Variants in MYO1F observed in about 807,000 individuals in gnomAD.
MYO1F encodes the protein unconventional myosin-If.
A neutral mutation model predicts 146.6 loss-of-function variants in MYO1F; 60 were observed. That is an observed-to-expected ratio of 0.41 (90% CI 0.33 to 0.51). The LOEUF (loss-of-function observed/expected upper bound fraction) is 0.51, where lower values mean the gene tolerates loss of function less well. Ranked by LOEUF, MYO1F falls within the 20% of genes least tolerant of loss-of-function variation. The pLI is 0.25. For synonymous variants in MYO1F, 602 were observed against 602.1 expected, an observed-to-expected ratio of 1.00 and a Z score of 0.00; for missense variants, 1,274 against 1,534.3, an observed-to-expected ratio of 0.83 and a Z score of 2.83.
intron 25 of MYO1F, among the ~76,000 whole-genome samples, chr19:8,523,452 C>T (rs981579293): frequency 2.0e-5 from 3 of 152,114 alleles, no homozygotes; most frequent in Non-Finnish European, 4.4e-5. Flanking sequence ...AAGCAATCCT[C>T]CCTCCTTAGC....
chr19:8,560,883 C>A (rs938152878), intron 1 of MYO1F, among the ~76,000 whole-genome samples: 1 of 151,954 alleles, frequency 6.6e-6, no homozygotes, highest in Non-Finnish European at 1.5e-5. Context: ...GGACTACAGG[C>A]GCCCGCCACC....
At chr19:8,575,828 G>A (rs141648818) in intron 1 of MYO1F, among the ~76,000 whole-genome samples, 212 of 152,242 alleles carry the variant, frequency 1.4e-3, no homozygotes, top group African/African-American at 4.6e-3. Flanking sequence ...GGGAGGGGTT[G>A]CCTTTCTTTC....
intron 1 of MYO1F, among the ~76,000 whole-genome samples, chr19:8,558,132 T>C (rs74459657): frequency 0.015 from 2,332 of 152,144 alleles, 20 homozygotes; most frequent in Middle Eastern, 0.024. Context: ...GCCATTTTTT[T>C]CATTTCATTT....
Position 8,526,945 on chromosome 19 carries a change from G to A in MYO1F, c.2475-10C>T. The A allele has an allele frequency of 1.9e-6, 3 of 1,613,604 alleles. No individual in the cohort carries two copies. The highest frequency in any genetic ancestry group is 2.5e-6 in the Non-Finnish European group (3 of 1,180,002). On this transcript the variant is annotated splice_polypyrimidine_tract_variant and intron_variant, in intron 22 of 27. Coordinates refer to ENST00000644032, the MANE Select transcript of MYO1F (RefSeq NM_012335.4). Reference sequence around the variant, plus strand: ...GTCGTCCTGTCGCGTGCTGGGGAGGGGCGGGTGAGAGCGTCAGGTGGGACA... The same window carrying A: ...GTCGTCCTGTCGCGTGCTGGGGAGGAGCGGGTGAGAGCGTCAGGTGGGACA...
At position 8,522,546 on chromosome 19, in the gene MYO1F, G is replaced by A. The variant is rs1454881461; in HGVS notation, c.3051C>T (p.Gly1017=). Residue 1017 remains glycine, a splice_region_variant and synonymous_variant, in exon 27 of 28, where the codon GGC becomes GGT. Transcript: ENST00000644032. ...FLNVPDQGMA[G]MQRKRSVGQR... is the part of the protein sequence containing the mutation. ...GCCCCACGCTGCGCTTCCTCTGCAT[G>A]CTGTGGGCACAGGGGGTTTGAGTCA... The A allele has an allele frequency of 6.2e-7, 1 of 1,611,690 alleles. No individual in the cohort carries two copies. Among genetic ancestry groups the A allele is most frequent in the Admixed American group, 1.7e-5 (1 of 59,778 alleles).
Position 8,521,532 on chromosome 19 carries a change from A to G in MYO1F, c.3293T>C (p.Ile1098Thr). ...GLFPGNYVEK[I>T] ...GGCAGTATCCCAGGGCCCAGCTCAG[A>G]TCTTCTCCACGTAGTTTCCTGGGAA... is the stretch of plus-strand genomic sequence containing the variant. The change falls in exon 28 of 28, where the codon ATC becomes ACC. Residue 1098 changes from isoleucine to threonine, a missense_variant. Ile to Thr is a moderately conservative substitution (Grantham distance 89). This residue lies in a region of MYO1F where 374 missense variants were observed against 379.2 expected (regional missense o/e 0.99). Coordinates refer to ENST00000644032, the MANE Select transcript of MYO1F (RefSeq NM_012335.4). 1.2e-6 allele frequency: 2 copies of G among 1,614,090 alleles called. No individual in the cohort carries two copies. The highest frequency in any genetic ancestry group is 1.7e-6 in the Non-Finnish European group (2 of 1,179,994).
At position 8,527,431 on chromosome 19, in the gene MYO1F, C is replaced by T. The variant is rs201723456; in HGVS notation, c.2381G>A (p.Arg794Gln). 39 of 1,614,028 alleles carry T rather than the reference C, an allele frequency of 2.4e-5. No homozygotes were observed. The East Asian group carries it at 4.7e-4, about 19-fold the overall frequency. ...LTPKCVYVIGREKVKKGPEKG... is the reference protein window; with the variant it reads ...LTPKCVYVIGQEKVKKGPEKG... ...CTCAGGTCCCTTCTTCACTTTCTCT[C>T]GCCCAATCACATACACACACTTGGG... The change falls in exon 22 of 28, where the codon CGA (arginine) becomes CAA (glutamine). Residue 794 changes from arginine to glutamine, a missense_variant. Arg to Gln is a conservative substitution (Grantham distance 43, BLOSUM62 1). Transcript: ENST00000644032.
At position 8,548,267 on chromosome 19, in the gene MYO1F, C is replaced by T; in HGVS notation, c.1152G>A (p.Val384=). ...AGATCTCGAAGCCGTAAATGTCCAG[C>T]ACACCGATGCTGTACTCTTCCTGGG... The part of the protein sequence containing the change: ...QKPQEEYSIG[V]LDIYGFEIFQ... Residue 384 remains valine, a synonymous_variant, in exon 11 of 28, where the codon GTG becomes GTA. Coordinates refer to ENST00000644032, the MANE Select transcript of MYO1F (RefSeq NM_012335.4). 1 of 1,614,010 alleles carries T rather than the reference C, an allele frequency of 6.2e-7. No homozygotes were observed.
rs907653873 is a variant in MYO1F, at chr19:8,536,983, C to T, written c.1765G>A (p.Glu589Lys). ...PHYIRCIKPN[E>K]TKRPRDWEEN... ...TCCCAGTCTCGGGGCCTCTTGGTCT[C>T]GTTGGGTTTGATGCAGCGGATGTAG... is the stretch of plus-strand genomic sequence containing the variant. Residue 589 changes from glutamate (E) to lysine (K), a missense_variant, in exon 17 of 28, where the codon GAG becomes AAG. This residue lies in a region of MYO1F where 900 missense variants were observed against 1,155.1 expected (regional missense o/e 0.78). Coordinates refer to ENST00000644032, the MANE Select transcript of MYO1F (RefSeq NM_012335.4). The T allele has an allele frequency of 6.8e-6, 11 of 1,611,580 alleles. No individual in the cohort carries two copies. Among genetic ancestry groups the T allele is most frequent in the Non-Finnish European group, 8.5e-6 (10 of 1,179,158 alleles).
chr19:8,570,637 A>G (rs2042091767), intron 1 of MYO1F, among the ~76,000 whole-genome samples: 1 of 151,350 alleles, frequency 6.6e-6, no homozygotes, highest in Non-Finnish European at 1.5e-5. Flanking sequence ...AAAGTGCTGG[A>G]ATGACGGGCA....
intron 27 of MYO1F, among the ~76,000 whole-genome samples, 153 bp downstream of exon 27, chr19:8,522,224 G>A (rs1395371204): frequency 4.6e-5 from 7 of 151,960 alleles, no homozygotes; most frequent in South Asian, 2.1e-4. Context: ...GGGTTTCACT[G>A]TGTTAGCCAG....
chr19:8,574,067 A>G (rs1287648288), intron 1 of MYO1F, among the ~76,000 whole-genome samples: 1 of 151,898 alleles, frequency 6.6e-6, no homozygotes, highest in African/African-American at 2.4e-5. Flanking sequence ...CTCTCCAAAT[A>G]ACAGCAACCA....
At chr19:8,547,624 C>G (rs1973425604) in intron 12 of MYO1F, among the ~76,000 whole-genome samples, 1 of 143,280 alleles carries the variant, frequency 7.0e-6, no homozygotes, top group Non-Finnish European at 1.5e-5. Flanking sequence ...AAAAAAATCC[C>G]TGACTTACTT....
chr19:8,544,355 G>A lies in MYO1F; in HGVS notation c.1466C>T (p.Thr489Ile), dbSNP rs577126101. 1 of 1,613,066 alleles carries A rather than the reference G, an allele frequency of 6.2e-7. No individual in the cohort carries two copies. Among genetic ancestry groups the A allele is most frequent in the African/African-American group, 1.3e-5 (1 of 74,948 alleles). Residue 489 changes from threonine to isoleucine, a missense_variant, in exon 14 of 28, where the codon ACC becomes ATC. Thr to Ile is a moderately conservative substitution (Grantham distance 89). Around this residue, in one of 2 missense-constraint regions of MYO1F, gnomAD observed 900 missense variants for 1,155.1 expected, o/e 0.78. Transcript: ENST00000644032. The part of the protein sequence containing the change: ...LLQKLQAAVG[T>I]HEHFNSWSAG... ...GCTCCAGCTGTTGAAATGCTCGTGG[G>A]TCCCCACAGCCGCCTGCAGCTTCTG...
chr19:8,529,325 G>T (rs866911331), intron 21 of MYO1F, among the ~76,000 whole-genome samples: 1 of 152,112 alleles, frequency 6.6e-6, no homozygotes, highest in Non-Finnish European at 1.5e-5. Flanking sequence ...GGCCCGCCCA[G>T]GTACAGGTGA....
chr19:8,567,556 C>T lies in MYO1F; in HGVS notation c.3+9751G>A, dbSNP rs1001169755. 2.0e-5 allele frequency among the ~76,000 whole-genome samples: 3 copies of T among 152,290 alleles called. No homozygotes were observed. The East Asian group carries it at 5.8e-4, about 30-fold the overall frequency. On this transcript the variant is annotated intron_variant, in intron 1 of 27. Transcript: ENST00000644032. Reference sequence around the variant, plus strand: ...ATTTTTAGTAGAGACAAGGTTTTACCGCGTTGGGCACGCTCATCTCGAACT... The same window carrying T: ...ATTTTTAGTAGAGACAAGGTTTTACTGCGTTGGGCACGCTCATCTCGAACT...
chr19:8,526,696 G>A (rs1972283729), intron 23 of MYO1F, 93 bp downstream of exon 23: 23 of 1,532,828 alleles, frequency 1.5e-5, no homozygotes, highest in Admixed American at 2.1e-5. Flanking sequence ...CGCGGCCGGG[G>A]CCGAAGCGCA....
rs546347485 is a variant in MYO1F at position 8,530,547 on chromosome 19, C to T, written c.2070G>A (p.Glu690=). 4 of 1,612,794 alleles carry T rather than the reference C, an allele frequency of 2.5e-6. No homozygotes were observed. In the African/African-American group the frequency reaches 4.0e-5, roughly 16 times the overall value. The part of the protein sequence containing the change: ...ESLFLLEEVR[E]RKFDGFARTI... ...TTCGGGCAAAGCCATCGAACTTTCG[C>T]TCTCGCACCTCCTCCAGGAGGAAAA... is the stretch of plus-strand genomic sequence containing the variant. The change falls in exon 20 of 28, where the codon GAG becomes GAA. Residue 690 remains glutamate, a synonymous_variant. Transcript: ENST00000644032. The surrounding 1 kb of genome is among the most constrained non-coding windows in gnomAD (Gnocchi z 5.8).
intron 19 of MYO1F, among the ~76,000 whole-genome samples, chr19:8,531,853 C>G (rs77889622): frequency 6.6e-6 from 1 of 152,090 alleles, no homozygotes; most frequent in South Asian, 2.1e-4. Flanking sequence ...TGCAGTGGCT[C>G]AAGCCTGTAA....
Sources: allele counts gnomAD v4.1 joint callset (sites outside exome capture counted in the v4.1 genomes callset), GRCh38; gene constraint gnomAD v4.1.1; regional missense constraint gnomAD v4.1.1; non-coding constraint Gnocchi (gnomAD v3.1); transcripts MANE v1.5; gene names NCBI Gene and HGNC (gene_info 2026-07-23, HGNC 2026-07-21).